The following RSPO3 variants were observed in gnomAD, a reference collection of about 807,000 sequenced individuals.
The protein encoded by RSPO3 is R-spondin 3.
In RSPO3, 17 loss-of-function variants were observed where a neutral mutation model predicts 36.5. The ratio of observed to expected loss-of-function variants is 0.47; its 90% CI spans 0.32 to 0.70. The LOEUF is 0.70. Ranked by LOEUF, RSPO3 falls within the 30% of genes least tolerant of loss-of-function variation. RSPO3 has a pLI of 0.04. For synonymous variants in RSPO3, 108 were observed against 107.0 expected (o/e 1.01, Z -0.06); for missense variants, 294 against 322.5 (o/e 0.91, Z 0.68).
chr6:127,195,156 G>A (rs1220557613), intron 4 of RSPO3, among the ~76,000 whole-genome samples: 1 of 151,956 alleles, frequency 6.6e-6, no homozygotes, highest in Non-Finnish European at 1.5e-5. Flanking sequence ...AAAAATATGA[G>A]CCAGATAAAA....
At chr6:127,123,384 T>A (rs1458123863) in intron 1 of RSPO3, among the ~76,000 whole-genome samples, 1 of 152,158 alleles carries the variant, frequency 6.6e-6, no homozygotes, top group Non-Finnish European at 1.5e-5. Flanking sequence ...GTTTTAAAGA[T>A]ACAGACACGA....
intron 1 of RSPO3, among the ~76,000 whole-genome samples, chr6:127,119,627 C>T (rs1269958064): frequency 6.6e-6 from 1 of 152,226 alleles, no homozygotes; most frequent in Non-Finnish European, 1.5e-5. Flanking sequence ...CGGACAGGGG[C>T]ACCCAGCCGA....
chr6:127,180,855 G>C (rs1775171204), intron 4 of RSPO3, among the ~76,000 whole-genome samples: 1 of 151,518 alleles, frequency 6.6e-6, no homozygotes, highest in Non-Finnish European at 1.5e-5. Flanking sequence ...TATATCATTT[G>C]TTTCTCATAC....
chr6:127,135,192 C>A (rs1017259231), intron 1 of RSPO3, among the ~76,000 whole-genome samples: 1 of 151,820 alleles, frequency 6.6e-6, no homozygotes, highest in Admixed American at 6.6e-5. Flanking sequence ...GAGGCCAAGG[C>A]GGGCAGATTA....
chr6:127,119,200 T>C lies in RSPO3; in HGVS notation c.8T>C (p.Leu3Ser). MH[L>S]RLISWLFIIL... ...AAGCATTACTGGGTTACTATGCACT[T>C]GCGACTGATTTCTTGGCTTTTTATC... The change falls in exon 1 of 5, where the codon TTG becomes TCG. Residue 3 changes from leucine to serine, a missense_variant. Coordinates refer to ENST00000356698, the MANE Select transcript of RSPO3 (RefSeq NM_032784.5). 1 of 1,612,366 alleles carries C rather than the reference T, an allele frequency of 6.2e-7. No individual in the cohort carries two copies. The highest frequency in any genetic ancestry group is 8.5e-7 in the Non-Finnish European group (1 of 1,178,414).
chr6:127,163,293 C>T (rs1337723856), intron 4 of RSPO3, among the ~76,000 whole-genome samples: 2 of 152,080 alleles, frequency 1.3e-5, no homozygotes, highest in East Asian at 3.9e-4. Flanking sequence ...CTAGTGTTGC[C>T]GAAACCTCTT....
chr6:127,119,422 G>C lies in RSPO3; in HGVS notation c.97+133G>C, dbSNP rs1773789234. ...CGCCTCGCAGAGGAGATGCAGGTTC[G>C]GGCTTTGGGGGTATGGACGGCGTCT... On this transcript the variant is annotated intron_variant, in intron 1 of 4. Coordinates refer to ENST00000356698, the MANE Select transcript of RSPO3 (RefSeq NM_032784.5). The C allele has an allele frequency of 2.4e-5, 16 of 672,712 alleles. No individual in the cohort carries two copies. The South Asian group carries it at 3.0e-4, about 13-fold the overall frequency. 41.7% of individuals were successfully genotyped at this position (672,712 alleles called of 1,614,324 possible). A position where few individuals can be genotyped will look rare whatever the true frequency, so the allele number is the denominator to read the frequency against.
At chr6:127,129,473 G>A (rs571061860) in intron 1 of RSPO3, among the ~76,000 whole-genome samples, 18 of 151,916 alleles carry the variant, frequency 1.2e-4, no homozygotes, top group Non-Finnish European at 2.4e-4. Context: ...CCCAATAACC[G>A]CAGTTGCCAA....
At chr6:127,122,093 T>C (rs894084217) in intron 1 of RSPO3, among the ~76,000 whole-genome samples, 4 of 152,238 alleles carry the variant, frequency 2.6e-5, no homozygotes, top group African/African-American at 9.6e-5. Context: ...CAAAGAATCA[T>C]GCATTATCCT....
At chr6:127,122,934 G>T (rs184068395) in intron 1 of RSPO3, among the ~76,000 whole-genome samples, 48 of 151,888 alleles carry the variant, frequency 3.2e-4, no homozygotes, top group African/African-American at 1.1e-3. Flanking sequence ...CTAGTAGCTC[G>T]GTTTTAATTG....
chr6:127,148,652 T>C lies in RSPO3; in HGVS notation c.102T>C (p.His34=). ...ASRGRRQRRM[H]PNVSQGCQGG... ...TTTCTACATTTGTCTCCACAGTGCATCCTAACGTTAGTCAAGGCTGCCAAG... is the reference window on the plus strand; with the variant it reads ...TTTCTACATTTGTCTCCACAGTGCACCCTAACGTTAGTCAAGGCTGCCAAG... The change falls in exon 2 of 5, where the codon CAT becomes CAC. Residue 34 remains histidine, a synonymous_variant. Coordinates refer to ENST00000356698, the MANE Select transcript of RSPO3 (RefSeq NM_032784.5). 1.2e-6 allele frequency: 2 copies of C among 1,611,758 alleles called. No homozygotes were observed. Among genetic ancestry groups the C allele is most frequent in the Non-Finnish European group, 8.5e-7 (1 of 1,178,514 alleles).
At chr6:127,150,668 G>T (rs1774474729) in intron 3 of RSPO3, 96 bp downstream of exon 3, 1 of 1,179,034 alleles carries the variant, frequency 8.5e-7, no homozygotes, top group Non-Finnish European at 1.2e-6. Flanking sequence ...GAAGGTTCTT[G>T]GGCTGAGATC....
intron 1 of RSPO3, among the ~76,000 whole-genome samples, chr6:127,142,291 A>G (rs865936465): frequency 6.6e-6 from 1 of 152,316 alleles, no homozygotes; most frequent in African/African-American, 2.4e-5. Context: ...TGTCGGCTCT[A>G]CTTGCAAGCT....
intron 1 of RSPO3, among the ~76,000 whole-genome samples, chr6:127,135,440 A>C (rs994545942): frequency 1.4e-5 from 2 of 138,220 alleles, no homozygotes; most frequent in Non-Finnish European, 3.1e-5. Flanking sequence ...AAAAAAAAAA[A>C]ATTTACAACT....
intron 3 of RSPO3, among the ~76,000 whole-genome samples, chr6:127,151,491 A>G (rs1213685411): frequency 1.3e-5 from 2 of 151,952 alleles, no homozygotes; most frequent in Admixed American, 6.6e-5. Context: ...TGATGTTGGC[A>G]TATCCACACA....
At chr6:127,149,720 A>C (rs1158353510) in intron 2 of RSPO3, among the ~76,000 whole-genome samples, 1 of 152,076 alleles carries the variant, frequency 6.6e-6, no homozygotes, top group Non-Finnish European at 1.5e-5. Flanking sequence ...GGTTTCAAAA[A>C]GCAGTCTGAT....
intron 1 of RSPO3, among the ~76,000 whole-genome samples, chr6:127,143,196 G>C (rs1326359978): frequency 6.6e-6 from 1 of 152,084 alleles, no homozygotes; most frequent in Non-Finnish European, 1.5e-5. Flanking sequence ...TCAATAAATA[G>C]CTTCCTTGAA....
intron 1 of RSPO3, among the ~76,000 whole-genome samples, chr6:127,133,379 A>T (rs1358660323): frequency 6.6e-6 from 1 of 152,098 alleles, no homozygotes; most frequent in African/African-American, 2.4e-5. Flanking sequence ...TCTTGATTTG[A>T]CTGTAGTGAG....
intron 1 of RSPO3, among the ~76,000 whole-genome samples, chr6:127,119,656 G>A (rs1773797521): frequency 6.6e-6 from 1 of 152,242 alleles, no homozygotes; most frequent in Non-Finnish European, 1.5e-5. Flanking sequence ...GGGACTCCCA[G>A]ACGCAGGATG....
Sources: allele counts gnomAD v4.1 joint callset (sites outside exome capture counted in the v4.1 genomes callset), GRCh38; gene constraint gnomAD v4.1.1; transcripts MANE v1.5; gene names NCBI Gene and HGNC (gene_info 2026-07-23, HGNC 2026-07-21).